VPS13B: variants seen among roughly 807,000 people sequenced by gnomAD.
VPS13B encodes vacuolar protein sorting 13 homolog B.
VPS13B carries 285 observed loss-of-function variants against 426.4 expected under a neutral mutation model. The observed-to-expected ratio is 0.67, with a 90% confidence interval of 0.61 to 0.74. The LOEUF (loss-of-function observed/expected upper bound fraction) is 0.74, where lower values mean the gene tolerates loss of function less well. Ranked by LOEUF, VPS13B falls within the 30% of genes least tolerant of loss-of-function variation. VPS13B has a pLI of 0.00. For synonymous variants in VPS13B, 1,676 were observed against 1,676.4 expected (o/e 1.00, Z 0.01); for missense variants, 4,537 against 4,782.6 (o/e 0.95, Z 1.51).
intron 58 of VPS13B, among the ~76,000 whole-genome samples, chr8:99,864,940 C>T (rs1817017247): frequency 6.6e-6 from 1 of 152,136 alleles, no homozygotes; most frequent in South Asian, 2.1e-4. Context: ...ACATTTCCCC[C>T]AAATGTTTAC....
chr8:99,377,535 T>A lies in VPS13B; in HGVS notation c.2825-6673T>A, dbSNP rs115118041. On this transcript the variant is annotated intron_variant, in intron 19 of 61. Coordinates refer to ENST00000357162, the MANE Select transcript of VPS13B (RefSeq NM_152564.5). The stretch of plus-strand genomic sequence containing the variant: ...ATTTTCATTTTTCTTTAAAATCTAC[T>A]TGTTGCTGATGCTTTCTCATAGTTT... Among the ~76,000 whole-genome samples, 482 of 152,360 alleles carry A rather than the reference T, an allele frequency of 3.2e-3. 2 individuals carry two copies. The highest frequency in any genetic ancestry group is 0.01 in the African/African-American group (426 of 41,584).
At chr8:99,191,405 AC>A (rs1813583597) in intron 16 of VPS13B, among the ~76,000 whole-genome samples, 1 of 86,554 alleles carries the variant, frequency 1.2e-5, no homozygotes, top group South Asian at 4.3e-4. Context: ...TTTTTTTGAG[AC>A]GGAGTCTGTC....
rs550500390 is a variant in VPS13B at position 99,540,899 on chromosome 8, T to G, written c.4746-15551T>G. Among the ~76,000 whole-genome samples, 2 of 152,302 alleles carry G rather than the reference T, an allele frequency of 1.3e-5. 1 individual carries two copies. Among genetic ancestry groups the G allele is most frequent in the South Asian group, 4.1e-4 (2 of 4,830 alleles). ...CTTTGCTATTGCTCGGTGTTTTCTT[T>G]TCTATTACAGGGTTATTTTCTTAAA... On this transcript the variant is annotated intron_variant, in intron 30 of 61. Transcript: ENST00000357162.
chr8:99,852,617 G>A (rs923485696), intron 55 of VPS13B, among the ~76,000 whole-genome samples: 2 of 152,212 alleles, frequency 1.3e-5, no homozygotes, highest in Non-Finnish European at 2.9e-5. Flanking sequence ...ATTTGATGTA[G>A]CCAAATGGAA....
intron 8 of VPS13B, among the ~76,000 whole-genome samples, chr8:99,127,581 A>ACT (rs1312757734): frequency 6.6e-6 from 1 of 152,146 alleles, no homozygotes; most frequent in African/African-American, 2.4e-5. Context: ...GGATGCAGTC[A>ACT]TTTCTCATCA....
chr8:99,681,899 A>T (rs966645967), intron 35 of VPS13B, among the ~76,000 whole-genome samples: 1 of 152,194 alleles, frequency 6.6e-6, no homozygotes, highest in African/African-American at 2.4e-5. Context: ...AAGTGTCCAA[A>T]TAAGTAACTC....
At chr8:99,827,217 T>A (rs1814741558) in intron 51 of VPS13B, among the ~76,000 whole-genome samples, 1 of 152,214 alleles carries the variant, frequency 6.6e-6, no homozygotes. Context: ...TTTTGGTTGG[T>A]AGGCTATTAA....
chr8:99,859,945 C>T (rs1190507204), intron 57 of VPS13B, among the ~76,000 whole-genome samples: 1 of 152,196 alleles, frequency 6.6e-6, no homozygotes, highest in Non-Finnish European at 1.5e-5. Context: ...TAGCACGCCA[C>T]GTAAACAGTG....
intron 9 of VPS13B, 136 bp from the exon 10 acceptor site, chr8:99,134,875 TATAA>T (rs1326928706): frequency 1.7e-6 from 2 of 1,205,474 alleles, no homozygotes; most frequent in South Asian, 1.4e-5. Context: ...TCATGGATAG[TATAA>T]ATAAATAGTA....
intron 19 of VPS13B, among the ~76,000 whole-genome samples, chr8:99,331,389 A>G (rs978244842): frequency 1.3e-5 from 2 of 151,764 alleles, no homozygotes; most frequent in Non-Finnish European, 3.0e-5. Flanking sequence ...GTGTAGCAAC[A>G]CTACTTATAG....
chr8:99,486,217 A>T (rs1413178208), intron 25 of VPS13B, among the ~76,000 whole-genome samples: 1 of 151,828 alleles, frequency 6.6e-6, no homozygotes, highest in Non-Finnish European at 1.5e-5. Flanking sequence ...AGCAAATAAT[A>T]GCATTTAGTT....
chr8:99,029,381 C>T (rs912916250), intron 2 of VPS13B, among the ~76,000 whole-genome samples: 12 of 152,010 alleles, frequency 7.9e-5, no homozygotes, highest in Admixed American at 5.9e-4. Flanking sequence ...GGGTGGCGGC[C>T]GGGCAGAGGC....
At chr8:99,094,309 A>C (rs1433574021) in intron 3 of VPS13B, among the ~76,000 whole-genome samples, 1 of 152,228 alleles carries the variant, frequency 6.6e-6, no homozygotes, top group Admixed American at 6.5e-5. Flanking sequence ...AATGTTGTGC[A>C]GAAGTGTATG....
intron 3 of VPS13B, among the ~76,000 whole-genome samples, chr8:99,083,378 G>C (rs976796417): frequency 6.6e-6 from 1 of 152,134 alleles, no homozygotes; most frequent in Non-Finnish European, 1.5e-5. Context: ...GGGTTTTCTA[G>C]ATATACAATC....
At chr8:99,244,125 G>A (rs895351473) in intron 17 of VPS13B, among the ~76,000 whole-genome samples, 1 of 151,990 alleles carries the variant, frequency 6.6e-6, no homozygotes, top group Non-Finnish European at 1.5e-5. Flanking sequence ...GTTAAAATTG[G>A]AAACAATGAA....
rs1817735212 is a variant in VPS13B at position 99,877,200 on chromosome 8, T to A, written c.*1534T>A. 6.6e-6 allele frequency: 1 copy of A among 152,272 alleles called. No individual in the cohort carries two copies. Among genetic ancestry groups the A allele is most frequent in the Non-Finnish European group, 1.5e-5 (1 of 68,014 alleles). 9.4% of individuals were successfully genotyped at this position (152,272 alleles called of 1,614,324 possible). On this transcript the variant is annotated 3_prime_UTR_variant, in exon 62 of 62. Transcript: ENST00000357162. ...ACTCTCACATGTTGGGCATAAGAAGTCACTATATAATTGTTACTGGAAAGC... is the reference window on the plus strand; with the variant it reads ...ACTCTCACATGTTGGGCATAAGAAGACACTATATAATTGTTACTGGAAAGC...
chr8:99,256,795 A>G (rs913075429), intron 17 of VPS13B, among the ~76,000 whole-genome samples: 1 of 152,114 alleles, frequency 6.6e-6, no homozygotes, highest in Non-Finnish European at 1.5e-5. Flanking sequence ...CCAGCGTCTC[A>G]TCAGATAAGT....
chr8:99,369,521 G>A (rs1189840765), intron 19 of VPS13B, among the ~76,000 whole-genome samples: 1 of 147,222 alleles, frequency 6.8e-6, no homozygotes, highest in South Asian at 2.2e-4. Flanking sequence ...ACTGGTGGAA[G>A]CCCACACAGA....
At chr8:99,308,751 G>A (rs577227447) in intron 19 of VPS13B, among the ~76,000 whole-genome samples, 17 of 152,242 alleles carry the variant, frequency 1.1e-4, no homozygotes, top group East Asian at 3.9e-4. Flanking sequence ...CTGAGGAATC[G>A]CCACACTGTC....
Sources: allele counts gnomAD v4.1 joint callset (sites outside exome capture counted in the v4.1 genomes callset), GRCh38; gene constraint gnomAD v4.1.1; transcripts MANE v1.5; gene names NCBI Gene and HGNC (gene_info 2026-07-23, HGNC 2026-07-21).